SETDB1: variants seen among roughly 807,000 people sequenced by gnomAD.
SETDB1 encodes histone-lysine N-methyltransferase SETDB1.
A neutral mutation model predicts 137.4 loss-of-function variants in SETDB1; 31 were observed. The ratio of observed to expected loss-of-function variants is 0.23; its 90% CI spans 0.17 to 0.30. SETDB1 has a LOEUF of 0.30. Among genes scored for constraint, SETDB1 ranks in the 10% least tolerant of loss-of-function variants. SETDB1 has a pLI of 1.00. For synonymous variants in SETDB1, 548 were observed against 579.9 expected (o/e 0.95, Z 0.79); for missense variants, 1,113 against 1,631.5 (o/e 0.68, Z 5.47).
At position 150,962,271 on chromosome 1, in the gene SETDB1, A is replaced by C. The variant is rs587696108; in HGVS notation, c.3161+113A>C. ...GCAACCTCCCCCTCCCAGGCTCAAG[A>C]GATTCTCCCACCTCAGCCTCCCTAG... is the stretch of plus-strand genomic sequence containing the variant. On this transcript the variant is annotated intron_variant, in intron 17 of 21. Coordinates refer to ENST00000692827, the MANE Select transcript of SETDB1 (RefSeq NM_001366418.1). The C allele has an allele frequency of 2.0e-3, 1,896 of 945,752 alleles. 6 individuals are homozygous for C. The highest frequency in any genetic ancestry group is 6.0e-3 in the Middle Eastern group (26 of 4,306). 58.6% of individuals were successfully genotyped at this position (945,752 alleles called of 1,614,324 possible).
At chr1:150,930,468 G>T (rs973454577) in intron 3 of SETDB1, 1 of 152,626 alleles carries the variant, frequency 6.6e-6, no homozygotes, top group African/African-American at 2.5e-5. Flanking sequence ...GCCCGCAACC[G>T]CATTAAACTC....
At chr1:150,944,835 T>G (rs1670274737) in intron 8 of SETDB1, 83 bp from the exon 9 acceptor site, 7 of 1,473,228 alleles carry the variant, frequency 4.8e-6, no homozygotes, top group Non-Finnish European at 6.4e-6. Flanking sequence ...ACTTAAAAAG[T>G]ATCAAATGTC....
chr1:150,961,783 C>T, intron 16 of SETDB1: 1 of 287,488 alleles, frequency 3.5e-6, no homozygotes, highest in Non-Finnish European at 6.6e-6. Context: ...TTATTCACAT[C>T]ATTGTTTCCT....
intron 12 of SETDB1, among the ~76,000 whole-genome samples, chr1:150,949,903 C>G (rs775809534): frequency 1.3e-5 from 2 of 152,160 alleles, no homozygotes; most frequent in Non-Finnish European, 2.9e-5. Flanking sequence ...CCATAATTCA[C>G]AGGCAAATAC....
Position 150,963,054 on chromosome 1 carries a change from G to A in SETDB1, c.3375G>A (p.Ser1125=), listed in dbSNP as rs200431268. Residue 1125 remains serine, a synonymous_variant, in exon 19 of 22, where the codon TCG becomes TCA. Transcript: ENST00000692827. The part of the protein sequence containing the change: ...TSRKPTAGQT[S]ATAVDSDDIQ... ...GAAAGCCCACTGCTGGTCAGACTTC[G>A]GCTACAGCGGTTGACAGTGATGATA... The A allele has an allele frequency of 1.5e-5, 24 of 1,614,056 alleles. No individual in the cohort carries two copies. The highest frequency in any genetic ancestry group is 4.0e-5 in the African/African-American group (3 of 74,936).
chr1:150,942,891 GAA>G lies in SETDB1; in HGVS notation c.715_716del (p.Lys239GlufsTer11). ...TACAAGGTGAAATTTGACAACAAAG[GAA>G]AGAGTCTACTGTCGGGGAACCATAT... On this transcript the variant is annotated frameshift_variant, in exon 7 of 22. Coordinates refer to ENST00000692827, the MANE Select transcript of SETDB1 (RefSeq NM_001366418.1). LOFTEE classifies it high-confidence loss of function. 1.2e-6 allele frequency: 2 copies of G among 1,614,162 alleles called. No individual in the cohort carries two copies. Among genetic ancestry groups the G allele is most frequent in the Non-Finnish European group, 1.7e-6 (2 of 1,180,026 alleles).
rs748907013 is a variant in SETDB1, at chr1:150,927,964, G to T, written c.250G>T (p.Asp84Tyr). The T allele has an allele frequency of 1.9e-6, 3 of 1,614,060 alleles. No individual in the cohort carries two copies. The highest frequency in any genetic ancestry group is 4.5e-5 in the East Asian group (2 of 44,900). ...GGCTCACGTTGACCAACTCTTTGAT[G>T]ATGCATCCAGGTGAGAACTCCATGG... is the stretch of plus-strand genomic sequence containing the variant. ...EVAHVDQLFDDASRAVTNCES... is the reference protein window; with the variant it reads ...EVAHVDQLFDYASRAVTNCES... Residue 84 changes from aspartate (D) to tyrosine (Y), a missense_variant, in exon 2 of 22, where the codon GAT becomes TAT. Asp to Tyr is a radical substitution (Grantham distance 160, BLOSUM62 -3). Coordinates refer to ENST00000692827, the MANE Select transcript of SETDB1 (RefSeq NM_001366418.1).
intron 17 of SETDB1, 116 bp downstream of exon 17, chr1:150,962,274 T>G (rs1277365893): frequency 8.7e-6 from 8 of 924,834 alleles, no homozygotes; most frequent in Non-Finnish European, 1.2e-5. Flanking sequence ...GCTCAAGAGA[T>G]TCTCCCACCT....
rs1451436801 is a variant in SETDB1 at position 150,960,571 on chromosome 1, C to T, written c.2512C>T (p.Leu838=). The change falls in exon 16 of 22, where the codon CTG becomes TTG. Residue 838 remains leucine, a synonymous_variant. Transcript: ENST00000692827. ...ATTCTCTTCATTCTCAGGCAAAATC[C>T]TGACAGATGACTTTGCAGACAAGGA... ...SFVCIYAGKI[L]TDDFADKEGL... 1 of 1,612,342 alleles carries T rather than the reference C, an allele frequency of 6.2e-7. No individual in the cohort carries two copies. The highest frequency in any genetic ancestry group is 8.5e-7 in the Non-Finnish European group (1 of 1,179,470).
At position 150,962,773 on chromosome 1, in the gene SETDB1, A is replaced by G; in HGVS notation, c.3294+54A>G. On this transcript the variant is annotated intron_variant, in intron 18 of 21. Coordinates refer to ENST00000692827, the MANE Select transcript of SETDB1 (RefSeq NM_001366418.1). ...TAATAAAGGAAAATGGGCCATTGTC[A>G]CCTCATCAAGTCCTTCACTATAATT... is the stretch of plus-strand genomic sequence containing the variant. The G allele has an allele frequency of 3.2e-6, 5 of 1,585,410 alleles. No homozygotes were observed. The South Asian group carries it at 5.5e-5, about 18-fold the overall frequency.
At chr1:150,947,539 G>A (rs186955819) in intron 10 of SETDB1, among the ~76,000 whole-genome samples, 52 of 152,286 alleles carry the variant, frequency 3.4e-4, no homozygotes, top group Admixed American at 3.4e-3. Context: ...AGGAAGCTGA[G>A]ACAGGTAGGT....
intron 3 of SETDB1, among the ~76,000 whole-genome samples, chr1:150,932,221 A>T (rs1206674512): frequency 6.7e-6 from 1 of 149,596 alleles, no homozygotes; most frequent in Admixed American, 6.6e-5. Flanking sequence ...CCCCTTCTCT[A>T]ATTTTTTTTT....
intron 14 of SETDB1, among the ~76,000 whole-genome samples, chr1:150,954,852 TC>T (rs1326608565): frequency 1.3e-5 from 2 of 152,178 alleles, no homozygotes; most frequent in Admixed American, 6.5e-5. Flanking sequence ...TCAGAAAGTT[TC>T]TGGAAATATT....
chr1:150,948,188 C>CG (rs1409996856), intron 10 of SETDB1, among the ~76,000 whole-genome samples: 7 of 151,578 alleles, frequency 4.6e-5, no homozygotes, highest in Non-Finnish European at 8.8e-5. Context: ...AAGGTCACAC[C>CG]GCTGCACTTC....
intron 3 of SETDB1, among the ~76,000 whole-genome samples, chr1:150,931,739 A>G (rs1463935248): frequency 1.3e-5 from 2 of 148,408 alleles, no homozygotes; most frequent in East Asian, 3.9e-4. Flanking sequence ...AAAAAAAAAA[A>G]AAAAAAACAG....
intron 19 of SETDB1, 157 bp from the exon 20 acceptor site, chr1:150,963,373 G>GA (rs934646165): frequency 2.1e-3 from 1,607 of 750,300 alleles, no homozygotes; most frequent in Non-Finnish European, 2.5e-3. Context: ...AATTATGCTT[G>GA]AAAAAAAAAC....
At chr1:150,945,414 TTAAGGTTTTAG>T in intron 9 of SETDB1, 1 of 766,238 alleles carries the variant, frequency 1.3e-6, no homozygotes, top group South Asian at 2.3e-5. Flanking sequence ...TTTTCCAGGG[TTAAGGTTTTAG>T]TAGGATAGTG....
At chr1:150,936,488 A>G (rs770459396) in intron 3 of SETDB1, among the ~76,000 whole-genome samples, 1 of 152,180 alleles carries the variant, frequency 6.6e-6, no homozygotes, top group Non-Finnish European at 1.5e-5. Context: ...TTTTTGCAGC[A>G]TGGTATTCCA....
In SETDB1 at chr1:150,962,112, T is replaced by C. The variant is rs753270290; in HGVS notation, c.3133-18T>C. On this transcript the variant is annotated intron_variant, in intron 16 of 21. Transcript: ENST00000692827. ...CGAGGCTGTGAAAGCATTTAACCCT[T>C]CACTTGTTCTTTTCCAGGACACTGA... The C allele has an allele frequency of 3.1e-6, 5 of 1,614,068 alleles. No homozygotes were observed. The South Asian group carries it at 5.5e-5, about 18-fold the overall frequency.
Sources: allele counts gnomAD v4.1 joint callset (sites outside exome capture counted in the v4.1 genomes callset), GRCh38; gene constraint gnomAD v4.1.1; transcripts MANE v1.5; gene names NCBI Gene and HGNC (gene_info 2026-07-23, HGNC 2026-07-21).